The following PRKAG2 variants were observed in gnomAD, a reference collection of about 807,000 sequenced individuals.
The protein encoded by PRKAG2 is protein kinase AMP-activated non-catalytic subunit gamma 2.
Under a neutral mutation model 69.6 loss-of-function variants are expected in PRKAG2, and 26 were observed. The observed-to-expected ratio is 0.37, with a 90% CI of 0.27 to 0.52. PRKAG2 has a LOEUF of 0.52. Ranked by LOEUF, PRKAG2 falls within the 20% of genes least tolerant of loss-of-function variation. PRKAG2 has a pLI of 0.90. For synonymous variants in PRKAG2, 293 were observed against 285.0 expected (o/e 1.03, Z -0.28); for missense variants, 557 against 740.0 (o/e 0.75, Z 2.87).
intron 9 of PRKAG2, among the ~76,000 whole-genome samples, chr7:151,571,995 C>T (rs930153262): frequency 2.0e-5 from 3 of 152,296 alleles, no homozygotes; most frequent in South Asian, 2.1e-4. Flanking sequence ...CTGGGTCTGC[C>T]GTGATTCCCA....
chr7:151,724,508 A>C (rs1797610820), intron 3 of PRKAG2, among the ~76,000 whole-genome samples: 1 of 152,046 alleles, frequency 6.6e-6, no homozygotes, highest in Non-Finnish European at 1.5e-5. Flanking sequence ...CATGCTGCTC[A>C]GAGCCCGAGG....
At chr7:151,578,489 C>T (rs1010724962) in intron 6 of PRKAG2, among the ~76,000 whole-genome samples, 2 of 152,224 alleles carry the variant, frequency 1.3e-5, no homozygotes, top group South Asian at 2.1e-4. Flanking sequence ...TATATTTTGC[C>T]TTATGTGGAA....
intron 1 of PRKAG2, among the ~76,000 whole-genome samples, chr7:151,833,918 C>T (rs981419352): frequency 6.6e-6 from 1 of 152,238 alleles, no homozygotes; most frequent in African/African-American, 2.4e-5. Flanking sequence ...GAGGCCACAG[C>T]CAGCATTTCC....
At chr7:151,729,842 A>C (rs1798641917) in intron 3 of PRKAG2, among the ~76,000 whole-genome samples, 1 of 152,024 alleles carries the variant, frequency 6.6e-6, no homozygotes, top group Admixed American at 6.6e-5. Flanking sequence ...TCACCCACTG[A>C]ACCGACCCCT....
intron 5 of PRKAG2, among the ~76,000 whole-genome samples, chr7:151,624,831 T>G (rs535286351): frequency 1.3e-5 from 2 of 152,348 alleles, no homozygotes; most frequent in East Asian, 1.9e-4. Context: ...ACCATCAACA[T>G]GGCAAATGCA....
At chr7:151,575,268 G>T (rs1808616750) in intron 7 of PRKAG2, among the ~76,000 whole-genome samples, 1 of 152,172 alleles carries the variant, frequency 6.6e-6, no homozygotes, top group Non-Finnish European at 1.5e-5. Context: ...ATAATTTTAA[G>T]TACTTTAAGA....
At chr7:151,869,416 A>G (rs557939131) in intron 1 of PRKAG2, among the ~76,000 whole-genome samples, 181 of 152,314 alleles carry the variant, frequency 1.2e-3, no homozygotes, top group African/African-American at 4.0e-3. Flanking sequence ...TTTCACCTCC[A>G]CTGTAATTAA....
intron 5 of PRKAG2, among the ~76,000 whole-genome samples, chr7:151,601,391 A>T (rs767634989): frequency 3.3e-5 from 5 of 152,212 alleles, no homozygotes; most frequent in Non-Finnish European, 7.3e-5. Context: ...TTGAATGATC[A>T]GTATCTTACT....
intron 5 of PRKAG2, among the ~76,000 whole-genome samples, chr7:151,597,201 C>T (rs1285614588): frequency 6.6e-6 from 1 of 152,202 alleles, no homozygotes; most frequent in East Asian, 1.9e-4. Flanking sequence ...ATAAATGGTG[C>T]TGGAAAACCT....
chr7:151,576,213 T>C, intron 7 of PRKAG2, 158 bp downstream of exon 7: 2 of 780,938 alleles, frequency 2.6e-6, no homozygotes, highest in Non-Finnish European at 4.3e-6. Context: ...AGTGCTGAGA[T>C]TACGGGCATG....
chr7:151,653,861 C>T (rs1384349972), intron 4 of PRKAG2, among the ~76,000 whole-genome samples: 2 of 152,138 alleles, frequency 1.3e-5, no homozygotes, highest in South Asian at 2.1e-4. Context: ...AAAAATCTTA[C>T]AGACTTGGTA....
intron 3 of PRKAG2, among the ~76,000 whole-genome samples, chr7:151,715,567 G>A (rs1326596092): frequency 6.6e-6 from 1 of 151,962 alleles, no homozygotes; most frequent in African/African-American, 2.4e-5. Context: ...TATTGGTCAG[G>A]CTGGTCTCGA....
At chr7:151,602,062 C>T (rs1816227583) in intron 5 of PRKAG2, among the ~76,000 whole-genome samples, 3 of 152,240 alleles carry the variant, frequency 2.0e-5, no homozygotes, top group African/African-American at 4.8e-5. Flanking sequence ...CTCATGAGAG[C>T]GGCACAGAGA....
intron 4 of PRKAG2, among the ~76,000 whole-genome samples, chr7:151,654,601 C>A (rs1829116464): frequency 6.6e-6 from 1 of 152,224 alleles, no homozygotes; most frequent in Non-Finnish European, 1.5e-5. Flanking sequence ...TGTGCTTTTA[C>A]TATGCTCAGT....
chr7:151,777,020 C>T lies in PRKAG2; in HGVS notation c.466+4132G>A, dbSNP rs1413668643. The stretch of plus-strand genomic sequence containing the variant: ...TACAGCCCCCACATTCCTCAGCCCG[C>T]AGCTGGAGCTCCTGCAGTACAGGAG... On this transcript the variant is annotated intron_variant, in intron 3 of 15. Transcript: ENST00000287878. This position sits in a 1 kb window ranked among gnomAD's most constrained non-coding sequence, Gnocchi z 4.3. 6.6e-6 allele frequency among the ~76,000 whole-genome samples: 1 copy of T among 152,202 alleles called. No homozygotes were observed. Among genetic ancestry groups the T allele is most frequent in the Non-Finnish European group, 1.5e-5 (1 of 68,028 alleles).
At chr7:151,605,874 G>C (rs1311995128) in intron 5 of PRKAG2, among the ~76,000 whole-genome samples, 1 of 150,084 alleles carries the variant, frequency 6.7e-6, no homozygotes, top group African/African-American at 2.5e-5. Context: ...GGAGGCGGAG[G>C]TTGCAGTGAA....
chr7:151,557,491 T>G, intron 15 of PRKAG2: 2 of 984,770 alleles, frequency 2.0e-6, no homozygotes, highest in Non-Finnish European at 2.4e-6. Flanking sequence ...ATTCCACTCT[T>G]AAAAAATTTT....
chr7:151,809,452 T>C (rs1369757067), intron 1 of PRKAG2: 5 of 346,918 alleles, frequency 1.4e-5, no homozygotes, highest in Non-Finnish European at 2.9e-5. Context: ...CTCCCACCAG[T>C]CTTCTCAGCA....
chr7:151,795,996 G>A (rs2077517199), intron 1 of PRKAG2, among the ~76,000 whole-genome samples: 1 of 146,294 alleles, frequency 6.8e-6, no homozygotes, highest in Admixed American at 6.8e-5. Context: ...ATATTAAGGA[G>A]ATATAATCAC....
Sources: gnomAD v4.1 joint callset for allele counts (sites outside exome capture counted in the v4.1 genomes callset) on GRCh38, gnomAD v4.1.1 for gene constraint, Gnocchi (gnomAD v3.1) non-coding constraint, MANE v1.5 for transcripts, NCBI Gene and HGNC (gene_info 2026-07-23, HGNC 2026-07-21) for gene names.